CNTNAP5: variants seen among roughly 807,000 people sequenced by gnomAD.
The protein encoded by CNTNAP5 is contactin associated protein family member 5, also known as contactin-associated protein-like 5.
In CNTNAP5, 72 loss-of-function variants were observed where a neutral mutation model predicts 150.2. The observed-to-expected ratio is 0.48, with a 90% CI of 0.40 to 0.58. The LOEUF (loss-of-function observed/expected upper bound fraction) is 0.58, where lower values mean the gene tolerates loss of function less well. CNTNAP5 is among the 20% of genes least tolerant of loss of function. CNTNAP5 has a pLI of 0.00. For synonymous variants in CNTNAP5, 672 were observed against 619.8 expected, an observed-to-expected ratio of 1.08 and a Z score of -1.25; for missense variants, 1,636 against 1,626.2, an observed-to-expected ratio of 1.01 and a Z score of -0.10.
intron 1 of CNTNAP5, among the ~76,000 whole-genome samples, chr2:124,169,642 A>AT (rs1183045623): frequency 6.6e-6 from 1 of 152,208 alleles, no homozygotes; most frequent in Non-Finnish European, 1.5e-5. Context: ...GAAGAACCCT[A>AT]TCCTGTTGGA....
At position 124,919,050 on chromosome 2, in the gene CNTNAP5, T is replaced by C. The variant is rs1453457922; in HGVS notation, c.*4762T>C. On this transcript the variant is annotated 3_prime_UTR_variant, in exon 24 of 24. Transcript: ENST00000682447. Reference sequence around the variant, plus strand: ...TTGTGGAACCATCTACTCTGCAGATTTTTATTGTCTCTAATTATCAGCTCT... The same window carrying C: ...TTGTGGAACCATCTACTCTGCAGATCTTTATTGTCTCTAATTATCAGCTCT... Among the ~76,000 whole-genome samples, 1 of 152,098 alleles carries C rather than the reference T, an allele frequency of 6.6e-6. No homozygotes were observed. Among genetic ancestry groups the C allele is most frequent in the African/African-American group, 2.4e-5 (1 of 41,440 alleles).
intron 17 of CNTNAP5, among the ~76,000 whole-genome samples, chr2:124,789,434 T>C (rs1182589262): frequency 6.6e-6 from 1 of 152,160 alleles, no homozygotes; most frequent in East Asian, 1.9e-4. Flanking sequence ...CAGGGCTAGA[T>C]TTGCAGGTTT....
chr2:124,043,537 T>G (rs1229309059), intron 1 of CNTNAP5, among the ~76,000 whole-genome samples: 1 of 152,122 alleles, frequency 6.6e-6, no homozygotes, highest in Non-Finnish European at 1.5e-5. Flanking sequence ...ATTTTTTCTA[T>G]GACATGATTC....
chr2:124,029,005 A>G (rs1302129225), intron 1 of CNTNAP5, among the ~76,000 whole-genome samples: 1 of 152,130 alleles, frequency 6.6e-6, no homozygotes, highest in Non-Finnish European at 1.5e-5. Context: ...ACTATTTTTA[A>G]CAATAAGTAT....
At chr2:124,309,991 G>A (rs923493810) in intron 3 of CNTNAP5, among the ~76,000 whole-genome samples, 3 of 152,050 alleles carry the variant, frequency 2.0e-5, no homozygotes, top group African/African-American at 7.2e-5. Flanking sequence ...GCAATGGAAG[G>A]TGGCTAGCTT....
chr2:124,274,778 T>G (rs1375282012), intron 3 of CNTNAP5, among the ~76,000 whole-genome samples: 2 of 152,168 alleles, frequency 1.3e-5, no homozygotes, highest in Non-Finnish European at 2.9e-5. Flanking sequence ...TCTGCTCCAG[T>G]GTTGCTGGTT....
chr2:124,892,622 A>T (rs571915530), intron 21 of CNTNAP5, among the ~76,000 whole-genome samples: 1 of 152,214 alleles, frequency 6.6e-6, no homozygotes, highest in South Asian at 2.1e-4. Context: ...AGGCTTCTGG[A>T]CTGGGCCAAG....
At chr2:124,731,452 C>T (rs1014388411) in intron 13 of CNTNAP5, among the ~76,000 whole-genome samples, 13 of 151,344 alleles carry the variant, frequency 8.6e-5, no homozygotes, top group African/African-American at 1.7e-4. Context: ...ATCGATTGTG[C>T]TAAGGCGTTT....
At chr2:124,603,852 G>C (rs1697038898) in intron 11 of CNTNAP5, among the ~76,000 whole-genome samples, 1 of 152,134 alleles carries the variant, frequency 6.6e-6, no homozygotes, top group African/African-American at 2.4e-5. Context: ...TTGATGGATA[G>C]ATAGAAACTA....
In CNTNAP5 at chr2:124,732,195, G is replaced by A. The variant is rs1206905967; in HGVS notation, c.2078-15034G>A. On this transcript the variant is annotated intron_variant, in intron 13 of 23. Coordinates refer to ENST00000682447, the MANE Select transcript of CNTNAP5 (RefSeq NM_001367498.1). ...GAGCTCAAGATAAAATGTTGATAGA[G>A]ACTAGATAATTTTGAAGAGAAAATA... Among the ~76,000 whole-genome samples the A allele has an allele frequency of 2.6e-5, 4 of 152,124 alleles. No individual in the cohort carries two copies. In the East Asian group the frequency reaches 7.7e-4, roughly 29 times the overall value.
chr2:124,359,303 C>T (rs200258031), intron 3 of CNTNAP5, among the ~76,000 whole-genome samples: 45,078 of 150,034 alleles, frequency 0.3, 6,882 homozygotes, highest in Middle Eastern at 0.37. Context: ...TCTCTATTTC[C>T]TTCAGTTCTG....
At chr2:124,181,320 G>A (rs1197694805) in intron 1 of CNTNAP5, among the ~76,000 whole-genome samples, 1 of 152,008 alleles carries the variant, frequency 6.6e-6, no homozygotes, top group Non-Finnish European at 1.5e-5. Context: ...TTATGTTTCT[G>A]CATCAAAATT....
intron 21 of CNTNAP5, among the ~76,000 whole-genome samples, chr2:124,886,621 C>G (rs936706898): frequency 2.6e-5 from 4 of 152,026 alleles, no homozygotes; most frequent in Non-Finnish European, 5.9e-5. Flanking sequence ...AATTTCTGGG[C>G]TGCAAGCAAA....
chr2:124,149,908 A>C (rs2104631913), intron 1 of CNTNAP5, among the ~76,000 whole-genome samples: 1 of 152,292 alleles, frequency 6.6e-6, no homozygotes, highest in East Asian at 1.9e-4. Context: ...TTCCTGATGG[A>C]GATGAGGAGA....
chr2:124,538,550 G>C (rs1346936064), intron 10 of CNTNAP5, among the ~76,000 whole-genome samples: 1 of 122,058 alleles, frequency 8.2e-6, no homozygotes, highest in Non-Finnish European at 1.7e-5. Context: ...GAAAGAAAGA[G>C]AGAAAGAAAG....
chr2:124,818,471 A>G lies in CNTNAP5; in HGVS notation c.3217+20151A>G, dbSNP rs144389032. Among the ~76,000 whole-genome samples, 847 of 152,254 alleles carry G rather than the reference A, an allele frequency of 5.6e-3. 12 individuals are homozygous for G. The highest frequency in any genetic ancestry group is 0.019 in the African/African-American group (785 of 41,556). On this transcript the variant is annotated intron_variant, in intron 19 of 23. Transcript: ENST00000682447. ...GAGCCCAAGGGGGGTTTGCATGGCTACAGTGAGGTACAATTGCACTACTGC... is the reference window on the plus strand; with the variant it reads ...GAGCCCAAGGGGGGTTTGCATGGCTGCAGTGAGGTACAATTGCACTACTGC...
At chr2:124,159,730 G>A (rs971634790) in intron 1 of CNTNAP5, among the ~76,000 whole-genome samples, 15 of 152,122 alleles carry the variant, frequency 9.9e-5, no homozygotes, top group African/African-American at 3.4e-4. Context: ...AAGTAAAGAT[G>A]AATAAGAACC....
intron 4 of CNTNAP5, among the ~76,000 whole-genome samples, chr2:124,419,152 A>AAAAAAAAAAAAAAAAAAC (rs772412223): frequency 1.7e-5 from 2 of 120,996 alleles, no homozygotes; most frequent in Non-Finnish European, 3.6e-5. Context: ...AAAAAAAAAA[A>AAAAAAAAAAAAAAAAAAC]AAAAAAAAAA....
intron 13 of CNTNAP5, among the ~76,000 whole-genome samples, chr2:124,712,824 T>A (rs181406831): frequency 9.2e-5 from 14 of 152,082 alleles, no homozygotes; most frequent in Non-Finnish European, 1.5e-5. Context: ...TGTAGCTCAC[T>A]GAAGCCTCGA....
Sources: gnomAD v4.1 joint callset for allele counts (sites outside exome capture counted in the v4.1 genomes callset) on GRCh38, gnomAD v4.1.1 for gene constraint, MANE v1.5 for transcripts, NCBI Gene and HGNC (gene_info 2026-07-23, HGNC 2026-07-21) for gene names.